Variants in DOCK10 observed in about 807,000 individuals in gnomAD.
DOCK10 encodes dedicator of cytokinesis protein 10.
In DOCK10, 145 loss-of-function variants were observed where a neutral mutation model predicts 280.1. The ratio of observed to expected loss-of-function variants is 0.52; its 90% CI spans 0.45 to 0.59. The LOEUF is 0.59. Ranked by LOEUF, DOCK10 falls within the 20% of genes least tolerant of loss-of-function variation. The pLI, the probability that DOCK10 is intolerant of heterozygous loss-of-function variation, is 0.00. For missense variants in DOCK10, 2,368 were observed against 2,651.7 expected (o/e 0.89, Z 2.35); for synonymous variants, 915 against 942.2 (o/e 0.97, Z 0.53).
intron 3 of DOCK10, among the ~76,000 whole-genome samples, chr2:224,903,731 T>G (rs974639595): frequency 6.6e-6 from 1 of 152,198 alleles, no homozygotes; most frequent in East Asian, 1.9e-4. Flanking sequence ...TTTTTATTCT[T>G]ATGCTCCAAA....
At chr2:224,844,971 T>C in intron 21 of DOCK10, 132 bp from the exon 22 acceptor site, 1 of 814,612 alleles carries the variant, frequency 1.2e-6, no homozygotes, top group East Asian at 2.7e-5. Flanking sequence ...AAATAAAAGA[T>C]GCAAATACAT....
chr2:224,811,801 T>C (rs1355027161), intron 31 of DOCK10, among the ~76,000 whole-genome samples: 1 of 151,380 alleles, frequency 6.6e-6, no homozygotes, highest in African/African-American at 2.4e-5. Context: ...GTTGTAGATA[T>C]GCGGCATTAT....
At chr2:224,888,067 T>C (rs907861704) in intron 4 of DOCK10, among the ~76,000 whole-genome samples, 3 of 152,190 alleles carry the variant, frequency 2.0e-5, no homozygotes, top group South Asian at 4.1e-4. Flanking sequence ...TCTGGGTATA[T>C]ATTTGAAGGA....
chr2:224,775,215 C>T, intron 51 of DOCK10, 100 bp from the exon 52 acceptor site: 1 of 1,086,382 alleles, frequency 9.2e-7, no homozygotes, highest in Non-Finnish European at 1.4e-6. Context: ...GGAGGCTGTG[C>T]CTCTCCCCTT....
chr2:224,834,114 G>T, intron 26 of DOCK10, 36 bp downstream of exon 26: 1 of 1,239,308 alleles, frequency 8.1e-7, no homozygotes, highest in Non-Finnish European at 1.2e-6. Context: ...CCCATGCCTA[G>T]TACTCACAGT....
In DOCK10 at chr2:224,797,854, G is replaced by C; in HGVS notation, c.4622C>G (p.Ser1541Cys). ...TACCTTGCATACAAACAGTCTCAAG[G>C]AGGCAAACACATGCTTCAGCGCTGT... ...SATALKHVFA[S>C]LRLFVCKFPS... Residue 1541 changes from serine (S) to cysteine (C), a missense_variant, in exon 42 of 56, where the codon TCC (serine) becomes TGC (cysteine). By Grantham distance (112) the Ser-to-Cys change is moderately radical. This residue lies in a region of DOCK10 where 1,159 missense variants were observed against 1,400.8 expected (regional missense o/e 0.83). Coordinates refer to ENST00000258390, the MANE Select transcript of DOCK10 (RefSeq NM_014689.3). 1 of 1,613,766 alleles carries C rather than the reference G, an allele frequency of 6.2e-7. No homozygotes were observed. The highest frequency in any genetic ancestry group is 8.5e-7 in the Non-Finnish European group (1 of 1,179,762).
At position 225,013,249 on chromosome 2, in the gene DOCK10, A is replaced by G. The variant is rs372049778; in HGVS notation, c.123+29003T>C. The stretch of plus-strand genomic sequence containing the variant: ...TCCCTTTTACTGCCAGTTAGTATAT[A>G]AAATTTTCAGTACCCTATAGGAAAG... On this transcript the variant is annotated intron_variant, in intron 1 of 55. Coordinates refer to ENST00000258390, the MANE Select transcript of DOCK10 (RefSeq NM_014689.3). Among the ~76,000 whole-genome samples the G allele has an allele frequency of 1.6e-3, 239 of 152,282 alleles. 1 individual carries two copies. Among genetic ancestry groups the G allele is most frequent in the African/African-American group, 5.5e-3 (229 of 41,548 alleles).
chr2:224,808,842 G>A (rs1342991996), intron 31 of DOCK10, among the ~76,000 whole-genome samples: 1 of 152,040 alleles, frequency 6.6e-6, no homozygotes, highest in East Asian at 1.9e-4. Context: ...TAGACTGTGG[G>A]GAGATGTGGG....
intron 27 of DOCK10, among the ~76,000 whole-genome samples, chr2:224,827,412 C>G (rs745367063): frequency 1.3e-5 from 2 of 151,970 alleles, no homozygotes; most frequent in African/African-American, 2.4e-5. Context: ...GAAAGCAAAC[C>G]TCAATCGGGG....
intron 1 of DOCK10, among the ~76,000 whole-genome samples, chr2:225,001,437 C>G (rs754488678): frequency 1.4e-4 from 22 of 151,780 alleles, no homozygotes; most frequent in Non-Finnish European, 2.9e-4. Flanking sequence ...CTACAGGTGC[C>G]CGCCACCATG....
intron 7 of DOCK10, among the ~76,000 whole-genome samples, chr2:224,878,069 A>G (rs189724624): frequency 6.6e-6 from 1 of 152,330 alleles, no homozygotes; most frequent in East Asian, 1.9e-4. Flanking sequence ...TGGCTAAATA[A>G]CAAGGTATAA....
chr2:224,856,888 G>T lies in DOCK10; in HGVS notation c.1780C>A (p.Leu594Ile). 6.2e-7 allele frequency: 1 copy of T among 1,611,144 alleles called. No homozygotes were observed. The highest frequency in any genetic ancestry group is 1.7e-4 in the Middle Eastern group (1 of 6,054). The change falls in exon 15 of 56, where the codon CTA becomes ATA. Residue 594 changes from leucine (L) to isoleucine (I), a missense_variant. Physicochemically the swap from Leu to Ile is conservative, Grantham distance 5 (BLOSUM62 2). This residue lies in a region of DOCK10 where 1,209 missense variants were observed against 1,250.9 expected (regional missense o/e 0.97). Transcript: ENST00000258390. ...CTATAATCTGATACTAGTTTAACTA[G>T]GTCCTCAGTTGAAATCTTGCTACTT... ...QESSKISTED[L>I]VKLVSDYRRA...
chr2:225,027,656 TC>T (rs2106116231), intron 1 of DOCK10, among the ~76,000 whole-genome samples: 1 of 152,178 alleles, frequency 6.6e-6, no homozygotes, highest in African/African-American at 2.4e-5. Flanking sequence ...ACGCCCCACT[TC>T]CCCTTTGCCT....
At chr2:225,016,809 T>C (rs1400736254) in intron 1 of DOCK10, among the ~76,000 whole-genome samples, 1 of 151,746 alleles carries the variant, frequency 6.6e-6, no homozygotes, top group Non-Finnish European at 1.5e-5. Context: ...TTCAAGCGAT[T>C]CTCTTGCCTT....
At chr2:224,833,466 A>G (rs1695385022) in intron 26 of DOCK10, among the ~76,000 whole-genome samples, 2 of 148,626 alleles carry the variant, frequency 1.3e-5, no homozygotes, top group African/African-American at 5.0e-5. Context: ...CCCCATGGCC[A>G]GCACCCTCTT....
chr2:224,904,541 C>T (rs937389481), intron 3 of DOCK10, among the ~76,000 whole-genome samples: 4 of 152,152 alleles, frequency 2.6e-5, no homozygotes, highest in African/African-American at 9.7e-5. Flanking sequence ...AGAAACTCCA[C>T]ACTAACTGTG....
intron 40 of DOCK10, among the ~76,000 whole-genome samples, chr2:224,801,347 A>ATAACATC (rs1693001393): frequency 6.6e-6 from 1 of 150,980 alleles, no homozygotes; most frequent in Admixed American, 6.6e-5. Flanking sequence ...CTTATCTGTC[A>ATAACATC]TGTGATGTTA....
chr2:224,869,413 A>T (rs980589534), intron 11 of DOCK10, among the ~76,000 whole-genome samples: 5 of 152,234 alleles, frequency 3.3e-5, no homozygotes, highest in Admixed American at 6.5e-5. Context: ...TATTTCAATT[A>T]ATTTAAAACA....
rs192503360 is a variant in DOCK10 at position 224,962,932 on chromosome 2, A to G, written c.124-31264T>C. Among the ~76,000 whole-genome samples, 3 of 152,268 alleles carry G rather than the reference A, an allele frequency of 2.0e-5. No individual in the cohort carries two copies. In the East Asian group the frequency reaches 5.8e-4, roughly 29 times the overall value. Reference sequence around the variant, plus strand: ...CAGTTGTATTTTTTTTCTGCCAAAAAATGTTTTAAGGTATATGAATTTGTT... The same window carrying G: ...CAGTTGTATTTTTTTTCTGCCAAAAGATGTTTTAAGGTATATGAATTTGTT... On this transcript the variant is annotated intron_variant, in intron 1 of 55. Transcript: ENST00000258390.
Sources: allele counts gnomAD v4.1 joint callset (sites outside exome capture counted in the v4.1 genomes callset), GRCh38; gene constraint gnomAD v4.1.1; regional missense constraint gnomAD v4.1.1; transcripts MANE v1.5; gene names NCBI Gene and HGNC (gene_info 2026-07-23, HGNC 2026-07-21).